The following WDFY4 variants were observed in gnomAD, a reference collection of about 807,000 sequenced individuals.
WDFY4 encodes WDFY family member 4.
WDFY4 carries 169 observed loss-of-function variants against 351.9 expected under a neutral mutation model. That is an observed-to-expected ratio of 0.48 (90% CI 0.42 to 0.55). WDFY4 has a LOEUF of 0.55. Ranked by LOEUF, WDFY4 falls within the 20% of genes least tolerant of loss-of-function variation. The pLI is 0.00. For synonymous variants in WDFY4, 1,622 were observed against 1,574.6 expected (o/e 1.03, Z -0.71); for missense variants, 3,803 against 3,935.6 (o/e 0.97, Z 0.90).
chr10:48,836,951 A>C (rs562281127), intron 39 of WDFY4, among the ~76,000 whole-genome samples: 16 of 152,260 alleles, frequency 1.1e-4, no homozygotes, highest in African/African-American at 3.9e-4. Context: ...TCCTTGTTTA[A>C]AAACAGCTGA....
At chr10:48,775,381 C>T (rs190264747) in intron 14 of WDFY4, among the ~76,000 whole-genome samples, 6 of 152,162 alleles carry the variant, frequency 3.9e-5, no homozygotes, top group East Asian at 3.8e-4. Context: ...GACCCAGGGG[C>T]GGGCACGACA....
chr10:48,864,481 T>C (rs898845292), intron 39 of WDFY4, among the ~76,000 whole-genome samples: 6 of 152,222 alleles, frequency 3.9e-5, no homozygotes, highest in African/African-American at 1.4e-4. Flanking sequence ...TTGTTTGCCA[T>C]TGCTTTACAG....
intron 13 of WDFY4, among the ~76,000 whole-genome samples, chr10:48,766,853 C>T (rs1051404702): frequency 1.2e-4 from 18 of 152,280 alleles, no homozygotes; most frequent in Non-Finnish European, 2.1e-4. Flanking sequence ...CTCAACATCT[C>T]GGGTCCAGAG....
intron 59 of WDFY4, 149 bp downstream of exon 59, chr10:48,977,128 G>C (rs1043802548): frequency 7.4e-6 from 5 of 675,850 alleles, no homozygotes; most frequent in Non-Finnish European, 1.1e-5. Flanking sequence ...AAAAGACAAG[G>C]CTCTTTGCAG....
Position 48,811,823 on chromosome 10 carries a change from G to C in WDFY4, c.5214+115G>C, listed in dbSNP as rs2067457607. On this transcript the variant is annotated intron_variant, in intron 30 of 61. Coordinates refer to ENST00000325239, the MANE Select transcript of WDFY4 (RefSeq NM_001394531.1). The stretch of plus-strand genomic sequence containing the variant: ...TCCCTCTGCTTCTTCCAGCTCAGAT[G>C]GGGTGCTGGCCCACTTCCCTCCCTA... The C allele has an allele frequency of 2.6e-6, 3 of 1,140,576 alleles. No homozygotes were observed. The East Asian group carries it at 7.8e-5, about 29-fold the overall frequency. 70.7% of individuals were successfully genotyped at this position (1,140,576 alleles called of 1,614,324 possible).
At chr10:48,810,289 A>C (rs1211962025) in intron 28 of WDFY4, among the ~76,000 whole-genome samples, 1 of 152,198 alleles carries the variant, frequency 6.6e-6, no homozygotes, top group East Asian at 1.9e-4. Context: ...CACAGTTTCC[A>C]ATTGCTTCAA....
chr10:48,849,788 A>G (rs1162215657), intron 39 of WDFY4, among the ~76,000 whole-genome samples: 1 of 152,252 alleles, frequency 6.6e-6, no homozygotes, highest in African/African-American at 2.4e-5. Flanking sequence ...TTGACTAAAC[A>G]TCAGACTTTA....
chr10:48,717,279 G>T (rs1327048630), intron 2 of WDFY4, among the ~76,000 whole-genome samples: 1 of 152,200 alleles, frequency 6.6e-6, no homozygotes, highest in Non-Finnish European at 1.5e-5. Flanking sequence ...TTGGAGGTCT[G>T]CTATGTCCAA....
intron 24 of WDFY4, 86 bp from the exon 25 acceptor site, chr10:48,803,199 CT>C: frequency 7.8e-7 from 1 of 1,282,798 alleles, no homozygotes; most frequent in East Asian, 2.5e-5. Context: ...AGAGGATCAC[CT>C]GTCCAGCACT....
chr10:48,858,716 G>C (rs2663049), intron 39 of WDFY4, among the ~76,000 whole-genome samples: 20 of 151,866 alleles, frequency 1.3e-4, no homozygotes, highest in Admixed American at 6.6e-4. Flanking sequence ...CACCAGTTTT[G>C]GAAACTCGTC....
intron 1 of WDFY4, among the ~76,000 whole-genome samples, chr10:48,708,240 A>T (rs11101434): frequency 1.3e-5 from 2 of 152,024 alleles, no homozygotes; most frequent in Non-Finnish European, 2.9e-5. Flanking sequence ...GAGCTGGGGG[A>T]AGGCTGGGTT....
In WDFY4 at chr10:48,963,941, A is replaced by G; in HGVS notation, c.8323A>G (p.Ile2775Val). Residue 2775 changes from isoleucine to valine, a missense_variant, in exon 54 of 62, where the codon ATC (isoleucine) becomes GTC (valine). Around this residue, in one of 3 missense-constraint regions of WDFY4, gnomAD observed 3,054 missense variants for 3,148.6 expected, o/e 0.97. Coordinates refer to ENST00000325239, the MANE Select transcript of WDFY4 (RefSeq NM_001394531.1). ...GCCAGCCGCAGTGGATGCTGTTAAT[A>G]TCTTCCACCCCTACTTCTACGGTGA... ...QGPAAVDAVN[I>V]FHPYFYGDRM... 1.9e-6 allele frequency: 3 copies of G among 1,551,360 alleles called. No individual in the cohort carries two copies. Among genetic ancestry groups the G allele is most frequent in the Non-Finnish European group, 2.6e-6 (3 of 1,146,982 alleles).
intron 44 of WDFY4, among the ~76,000 whole-genome samples, chr10:48,891,317 A>G (rs909338562): frequency 3.3e-5 from 5 of 152,248 alleles, no homozygotes; most frequent in African/African-American, 1.2e-4. Flanking sequence ...AGCAAATACA[A>G]GAGACCTTTG....
At chr10:48,725,588 T>C (rs1178938538) in intron 5 of WDFY4, among the ~76,000 whole-genome samples, 1 of 152,242 alleles carries the variant, frequency 6.6e-6, no homozygotes, top group Non-Finnish European at 1.5e-5. Context: ...CATTTTCTGG[T>C]ATTCCCATTA....
At chr10:48,865,832 T>C (rs2069522471) in intron 39 of WDFY4, among the ~76,000 whole-genome samples, 1 of 152,200 alleles carries the variant, frequency 6.6e-6, no homozygotes, top group Non-Finnish European at 1.5e-5. Context: ...TAGGAATTTG[T>C]TCATCTAATC....
chr10:48,774,325 G>A (rs1000573878), intron 13 of WDFY4, 133 bp from the exon 14 acceptor site: 5 of 906,384 alleles, frequency 5.5e-6, no homozygotes, highest in Non-Finnish European at 8.8e-6. Context: ...AGGCGTGGGT[G>A]TAGTGGGGAT....
intron 12 of WDFY4, among the ~76,000 whole-genome samples, chr10:48,747,326 C>G (rs1025035706): frequency 1.3e-5 from 2 of 152,120 alleles, no homozygotes; most frequent in Non-Finnish European, 2.9e-5. Flanking sequence ...TGTCATATAT[C>G]TCAATGTACA....
chr10:48,729,072 A>C (rs928465060), intron 7 of WDFY4, among the ~76,000 whole-genome samples: 2 of 152,218 alleles, frequency 1.3e-5, no homozygotes, highest in African/African-American at 4.8e-5. Flanking sequence ...ACTATTTCCC[A>C]CACCATTTTG....
Position 48,733,781 on chromosome 10 carries a change from C to T in WDFY4, c.1583-150C>T. On this transcript the variant is annotated intron_variant, in intron 9 of 61. Coordinates refer to ENST00000325239, the MANE Select transcript of WDFY4 (RefSeq NM_001394531.1). The stretch of plus-strand genomic sequence containing the variant: ...AGAACCCCTGCTGTAGGGGTAACAG[C>T]CTTCTATCTTACTAATTGGGATACA... 5 of 669,554 alleles carry T rather than the reference C, an allele frequency of 7.5e-6. No individual in the cohort carries two copies. In the South Asian group the frequency reaches 9.7e-5, roughly 13 times the overall value. 41.5% of individuals were successfully genotyped at this position (669,554 alleles called of 1,614,324 possible). A position where few individuals can be genotyped will look rare whatever the true frequency, so the allele number is the denominator to read the frequency against.
Sources: gnomAD v4.1 joint callset for allele counts (sites outside exome capture counted in the v4.1 genomes callset) on GRCh38, gnomAD v4.1.1 for gene constraint, gnomAD v4.1.1 regional missense constraint, MANE v1.5 for transcripts, NCBI Gene and HGNC (gene_info 2026-07-23, HGNC 2026-07-21) for gene names.